SNX31: variants seen among roughly 807,000 people sequenced by gnomAD.
SNX31 encodes sorting nexin 31.
Under a neutral mutation model 65.4 loss-of-function variants are expected in SNX31, and 58 were observed. The ratio of observed to expected loss-of-function variants is 0.89; its 90% CI spans 0.72 to 1.10. The LOEUF (loss-of-function observed/expected upper bound fraction) is 1.10, where lower values mean the gene tolerates loss of function less well. Among genes scored for constraint, SNX31 ranks in the 50% least tolerant of loss-of-function variants. The probability of loss-of-function intolerance (pLI) is 0.00; values close to 1 mark genes in which losing one functional copy is unlikely to be tolerated. For synonymous variants in SNX31, 181 were observed against 190.1 expected, an observed-to-expected ratio of 0.95 and a Z score of 0.39; for missense variants, 523 against 529.7, an observed-to-expected ratio of 0.99 and a Z score of 0.12.
chr8:100,603,969 C>G (rs1407562214), intron 8 of SNX31, among the ~76,000 whole-genome samples: 1 of 152,212 alleles, frequency 6.6e-6, no homozygotes, highest in African/African-American at 2.4e-5. Flanking sequence ...AACTCCTAAT[C>G]TCAGGTACTC....
chr8:100,645,463 A>T (rs1185266658), intron 2 of SNX31, among the ~76,000 whole-genome samples: 1 of 152,202 alleles, frequency 6.6e-6, no homozygotes, highest in Admixed American at 6.5e-5. Context: ...AAAATACAGG[A>T]TGCTCAGTTA....
chr8:100,634,448 A>C (rs557657197), intron 3 of SNX31, among the ~76,000 whole-genome samples: 2 of 152,062 alleles, frequency 1.3e-5, no homozygotes, highest in South Asian at 4.2e-4. Context: ...CCCAAGTGTG[A>C]CTCTAAACAT....
chr8:100,643,180 G>A (rs865849554), intron 2 of SNX31, among the ~76,000 whole-genome samples: 4 of 147,824 alleles, frequency 2.7e-5, no homozygotes, highest in South Asian at 4.5e-4. Context: ...GTGAAAGAGC[G>A]TGACTCCGTC....
upstream of SNX31, among the ~76,000 whole-genome samples, chr8:100,651,384 G>A (rs1819968314): frequency 6.6e-6 from 1 of 152,164 alleles, no homozygotes; most frequent in Non-Finnish European, 1.5e-5. Flanking sequence ...GAGCATTTTG[G>A]TCAGACCCAG....
chr8:100,585,706 C>T (rs988159934), intron 11 of SNX31, among the ~76,000 whole-genome samples: 1 of 151,992 alleles, frequency 6.6e-6, no homozygotes, highest in Non-Finnish European at 1.5e-5. Context: ...GAAACCTATG[C>T]AAAACCAGAT....
chr8:100,599,136 A>T (rs1298149822), intron 9 of SNX31, among the ~76,000 whole-genome samples: 1 of 152,244 alleles, frequency 6.6e-6, no homozygotes, highest in Admixed American at 6.5e-5. Context: ...TTAAATTTTT[A>T]AATTCAATTT....
intron 2 of SNX31, among the ~76,000 whole-genome samples, chr8:100,641,783 T>C (rs1317715865): frequency 3.4e-5 from 5 of 148,576 alleles, no homozygotes; most frequent in Admixed American, 2.0e-4. Context: ...TTAAACCTAG[T>C]ATAAAATATT....
rs748312012 is a variant in SNX31 at position 100,576,092 on chromosome 8, A to G, written c.1227+927T>C. Among the ~76,000 whole-genome samples the G allele has an allele frequency of 2.6e-5, 4 of 152,200 alleles. No individual in the cohort carries two copies. Among genetic ancestry groups the G allele is most frequent in the Non-Finnish European group, 4.4e-5 (3 of 68,032 alleles). On this transcript the variant is annotated intron_variant, in intron 13 of 13. Coordinates refer to ENST00000311812, the MANE Select transcript of SNX31 (RefSeq NM_152628.4). This position sits in a 1 kb window ranked among gnomAD's most constrained non-coding sequence, Gnocchi z 4.8. ...ATAGCCAGTAAGCAGTGGAGTTCCT[A>G]TCTCGTCTCTCTGTCCAACCAGCCA...
chr8:100,660,782 T>G lies in SNX31; in HGVS notation c.-58+2360A>C, dbSNP rs76379432. ...CATAAAATGAGCTCACAAAGGCATT[T>G]ACACTAGAATCATAAATCTGAATAA... On this transcript the variant is annotated intron_variant, in intron 1 of 5. Coordinates refer to the SNX31 transcript ENST00000520352. This position sits in a 1 kb window ranked among gnomAD's most constrained non-coding sequence, Gnocchi z 4.1. Among the ~76,000 whole-genome samples the G allele has an allele frequency of 6.6e-6, 1 of 152,208 alleles. No individual in the cohort carries two copies. Among genetic ancestry groups the G allele is most frequent in the East Asian group, 1.9e-4 (1 of 5,204 alleles).
At chr8:100,639,967 T>C (rs1055250103) in intron 2 of SNX31, among the ~76,000 whole-genome samples, 3 of 152,140 alleles carry the variant, frequency 2.0e-5, no homozygotes, top group Non-Finnish European at 2.9e-5. Flanking sequence ...TGAAAGAGCT[T>C]CCATGGGCCA....
chr8:100,637,182 G>A (rs1051664147), intron 2 of SNX31, among the ~76,000 whole-genome samples: 42 of 152,116 alleles, frequency 2.8e-4, no homozygotes, highest in African/African-American at 8.7e-4. Flanking sequence ...CCTAAAAAGT[G>A]GATGCATAAA....
At chr8:100,600,838 A>C (rs1815556734) in intron 8 of SNX31, among the ~76,000 whole-genome samples, 1 of 152,200 alleles carries the variant, frequency 6.6e-6, no homozygotes, top group Non-Finnish European at 1.5e-5. Flanking sequence ...ATATATAATT[A>C]TGTGAAACAT....
chr8:100,649,385 A>T lies in SNX31; in HGVS notation c.67-37T>A, dbSNP rs373256425. The T allele has an allele frequency of 2.5e-6, 4 of 1,612,010 alleles. No homozygotes were observed. In the Admixed American group the frequency reaches 6.7e-5, roughly 27 times the overall value. On this transcript the variant is annotated intron_variant, in intron 1 of 13. Coordinates refer to ENST00000311812, the MANE Select transcript of SNX31 (RefSeq NM_152628.4). ...CAGACACCCCGTCCCTGGTGAGCCG[A>T]GGGATAAGTGAGCATTGCCACCGGC...
chr8:100,614,168 T>A lies in SNX31; in HGVS notation c.433-1083A>T, dbSNP rs1199855569. Among the ~76,000 whole-genome samples the A allele has an allele frequency of 6.6e-6, 1 of 152,150 alleles. No homozygotes were observed. The highest frequency in any genetic ancestry group is 2.4e-5 in the African/African-American group (1 of 41,422). The stretch of plus-strand genomic sequence containing the variant: ...CACTTTCAAAGCAATTCCCTTCCCC[T>A]TCTTTCTGTCTCTCTCTTTCCCCCA... On this transcript the variant is annotated intron_variant, in intron 5 of 13. Transcript: ENST00000311812. The surrounding 1 kb of genome is among the most constrained non-coding windows in gnomAD (Gnocchi z 5.1).
At chr8:100,654,653 C>T (rs1442291761), upstream of SNX31, among the ~76,000 whole-genome samples, 1 of 152,250 alleles carries the variant, frequency 6.6e-6, no homozygotes, top group Admixed American at 6.5e-5. Flanking sequence ...GAGAAGCACA[C>T]GTCCCTTTCA....
intron 9 of SNX31, 35 bp from the exon 10 acceptor site, chr8:100,596,877 G>T: frequency 1.9e-6 from 3 of 1,582,880 alleles, no homozygotes; most frequent in Non-Finnish European, 2.6e-6. Context: ...GGGAGGGGAG[G>T]CAAGAGGAAG....
At chr8:100,598,063 A>G (rs1386276227) in intron 9 of SNX31, among the ~76,000 whole-genome samples, 1 of 152,200 alleles carries the variant, frequency 6.6e-6, no homozygotes, top group Non-Finnish European at 1.5e-5. Flanking sequence ...CCTCCTTTAC[A>G]AGGACTCCGG....
chr8:100,641,559 AAAAAAAAT>A (rs1819185090), intron 2 of SNX31, among the ~76,000 whole-genome samples: 5 of 31,284 alleles, frequency 1.6e-4, no homozygotes, highest in Admixed American at 8.7e-4. Flanking sequence ...AAAAAAAAAA[AAAAAAAAT>A]ATATATATAT....
chr8:100,626,579 A>C lies in SNX31; in HGVS notation c.321+3748T>G, dbSNP rs1418763350. On this transcript the variant is annotated intron_variant, in intron 4 of 13. Coordinates refer to ENST00000311812, the MANE Select transcript of SNX31 (RefSeq NM_152628.4). The surrounding 1 kb of genome is among the most constrained non-coding windows in gnomAD (Gnocchi z 4.4). ...AACTGGAAATACAACAGATTCGATGAATTCAACTCAGGCCCCCTCCCCAGT... is the reference window on the plus strand; with the variant it reads ...AACTGGAAATACAACAGATTCGATGCATTCAACTCAGGCCCCCTCCCCAGT... Among the ~76,000 whole-genome samples, 1 of 152,194 alleles carries C rather than the reference A, an allele frequency of 6.6e-6. No homozygotes were observed. Among genetic ancestry groups the C allele is most frequent in the Non-Finnish European group, 1.5e-5 (1 of 68,032 alleles).
Sources: gnomAD v4.1 joint callset for allele counts (sites outside exome capture counted in the v4.1 genomes callset) on GRCh38, gnomAD v4.1.1 for gene constraint, Gnocchi (gnomAD v3.1) non-coding constraint, MANE v1.5 for transcripts, NCBI Gene and HGNC (gene_info 2026-07-23, HGNC 2026-07-21) for gene names.